The following ABCG1 variants were observed in gnomAD, a reference collection of about 807,000 sequenced individuals.
ABCG1 encodes the protein ATP-binding cassette sub-family G member 1.
In ABCG1, 29 loss-of-function variants were observed where a neutral mutation model predicts 69.2. The observed-to-expected ratio is 0.42, with a 90% CI of 0.31 to 0.57. The LOEUF (loss-of-function observed/expected upper bound fraction) is 0.57, where lower values mean the gene tolerates loss of function less well. ABCG1 is among the 20% of genes least tolerant of loss of function. The pLI is 0.15. For synonymous variants in ABCG1, 370 were observed against 374.8 expected (o/e 0.99, Z 0.15); for missense variants, 718 against 898.1 (o/e 0.80, Z 2.56).
chr21:42,212,909 G>T (rs139716990), upstream of ABCG1, among the ~76,000 whole-genome samples: 27 of 152,094 alleles, frequency 1.8e-4, no homozygotes, highest in Non-Finnish European at 2.6e-4. Context: ...TAGCCAGGAT[G>T]GTCTCGATCT....
intron 2 of ABCG1, among the ~76,000 whole-genome samples, chr21:42,265,565 G>GC (rs2068488469): frequency 6.6e-6 from 1 of 152,200 alleles, no homozygotes; most frequent in African/African-American, 2.4e-5. Flanking sequence ...GGCTGGCAGA[G>GC]ACAGGGGAGG....
At chr21:42,256,249 G>C in intron 2 of ABCG1, 1 of 1,483,676 alleles carries the variant, frequency 6.7e-7, no homozygotes, top group Non-Finnish European at 9.0e-7. Flanking sequence ...CAGTGCAACA[G>C]ACAGAACACT....
intron 6 of ABCG1, among the ~76,000 whole-genome samples, chr21:42,283,167 C>G (rs936375695): frequency 3.9e-5 from 6 of 152,224 alleles, no homozygotes; most frequent in Admixed American, 3.9e-4. Flanking sequence ...ACTCACCTCT[C>G]CAAAGTCCAG....
At chr21:42,256,053 G>C in intron 2 of ABCG1, 4 of 920,846 alleles carry the variant, frequency 4.3e-6, no homozygotes, top group African/African-American at 3.4e-5. Context: ...TGGGAGTCAG[G>C]TGCCTTGACT....
chr21:42,210,346 G>A (rs1296758378), intron 2 of ABCG1, among the ~76,000 whole-genome samples: 4 of 152,140 alleles, frequency 2.6e-5, no homozygotes. Flanking sequence ...GGGGTACACA[G>A]TGGTTCCAGT....
intron 13 of ABCG1, 53 bp from the exon 14 acceptor site, chr21:42,294,489 G>C: frequency 6.8e-7 from 1 of 1,468,142 alleles, no homozygotes; most frequent in Non-Finnish European, 9.5e-7. Context: ...CTCCTCTGCA[G>C]GAGGCCAGGC....
rs373623832 is a variant in ABCG1 at position 42,219,366 on chromosome 21, C to T, written c.42+62C>T. On this transcript the variant is annotated intron_variant, in intron 1 of 14. Transcript: ENST00000398449. The surrounding 1 kb of genome is among the most constrained non-coding windows in gnomAD (Gnocchi z 5.3). ...TTATTTTCAAGGAGAGCAGGAAACACACAAAGACTCGCAAGCTCGACCTGA... is the reference window on the plus strand; with the variant it reads ...TTATTTTCAAGGAGAGCAGGAAACATACAAAGACTCGCAAGCTCGACCTGA... The T allele has an allele frequency of 1.1e-3, 1,792 of 1,560,990 alleles. 19 individuals are homozygous for T. In the African/African-American group the frequency reaches 0.019, roughly 16 times the overall value.
chr21:42,286,057 CT>C lies in ABCG1; in HGVS notation c.973+67del. ...GGATTTTCCTCCTCTGTGGGTCTCA[CT>C]TTTAGCTGACGCCCCCAACTCAGAA... is the stretch of plus-strand genomic sequence containing the variant. On this transcript the variant is annotated intron_variant, in intron 8 of 14. Coordinates refer to ENST00000398449, the MANE Select transcript of ABCG1 (RefSeq NM_016818.3). 22 of 1,151,768 alleles carry C rather than the reference CT, an allele frequency of 1.9e-5. No individual in the cohort carries two copies. In the South Asian group the frequency reaches 2.5e-4, roughly 13 times the overall value. 71.3% of individuals were successfully genotyped at this position (1,151,768 alleles called of 1,614,324 possible). A position where few individuals can be genotyped will look rare whatever the true frequency, so the allele number is the denominator to read the frequency against.
rs868548945 is a variant in ABCG1, at chr21:42,273,165, C to T, written c.405-138C>T. 41 of 1,206,536 alleles carry T rather than the reference C, an allele frequency of 3.4e-5. No individual in the cohort carries two copies. Among genetic ancestry groups the T allele is most frequent in the Middle Eastern group, 2.8e-4 (1 of 3,516 alleles). 74.7% of individuals were successfully genotyped at this position (1,206,536 alleles called of 1,614,324 possible). On this transcript the variant is annotated intron_variant, in intron 3 of 14. Transcript: ENST00000398449. This position sits in a 1 kb window ranked among gnomAD's most constrained non-coding sequence, Gnocchi z 5.3. ...CGAGGTCCGGTCCCTTTCTGCCCCT[C>T]GGGGTCCCCGTGGCCAGTGGTTCAG...
intron 2 of ABCG1, among the ~76,000 whole-genome samples, chr21:42,250,213 G>A (rs551500496): frequency 5.3e-5 from 8 of 152,146 alleles, no homozygotes; most frequent in East Asian, 1.9e-4. Context: ...TTCTAGCTGC[G>A]CGTGTTGACC....
chr21:42,280,469 C>T (rs1308548760), intron 5 of ABCG1, among the ~76,000 whole-genome samples: 1 of 152,236 alleles, frequency 6.6e-6, no homozygotes, highest in Non-Finnish European at 1.5e-5. Context: ...GGAGCGCCCG[C>T]CGGGAAGCCC....
At chr21:42,220,065 G>C in intron 1 of ABCG1, 1 of 1,546,324 alleles carries the variant, frequency 6.5e-7, no homozygotes, top group Non-Finnish European at 8.8e-7. Flanking sequence ...TGTTTCCAGG[G>C]GTGGTCAGGA....
intron 13 of ABCG1, among the ~76,000 whole-genome samples, chr21:42,293,588 TACCACACTACACAG>T (rs1297402643): frequency 1.5e-5 from 1 of 67,348 alleles, no homozygotes; most frequent in Non-Finnish European, 2.8e-5. Flanking sequence ...ACTACACACA[TACCACACTACACAG>T]TACACACCAC....
At chr21:42,293,099 C>CAT (rs1348829677) in intron 13 of ABCG1, among the ~76,000 whole-genome samples, 10 of 136,284 alleles carry the variant, frequency 7.3e-5, no homozygotes, top group Admixed American at 7.3e-5. Flanking sequence ...ACACACCACA[C>CAT]ACGGTACACA....
chr21:42,250,633 C>A (rs1021209678), intron 2 of ABCG1, among the ~76,000 whole-genome samples: 1 of 152,232 alleles, frequency 6.6e-6, no homozygotes, highest in African/African-American at 2.4e-5. Flanking sequence ...GATTTTAGTT[C>A]TTTGGGTCAC....
At chr21:42,202,471 G>A (rs1315346895) in intron 2 of ABCG1, among the ~76,000 whole-genome samples, 1 of 152,100 alleles carries the variant, frequency 6.6e-6, no homozygotes, top group Non-Finnish European at 1.5e-5. Flanking sequence ...CCGGGGGCCG[G>A]CAGGTTAGAG....
intron 2 of ABCG1, among the ~76,000 whole-genome samples, chr21:42,256,785 G>T (rs957615892): frequency 6.6e-6 from 1 of 152,218 alleles, no homozygotes; most frequent in Non-Finnish European, 1.5e-5. Flanking sequence ...GCAATGTGAA[G>T]CCTTAGGTCC....
Position 42,276,874 on chromosome 21 carries a change from T to C in ABCG1, c.538-21T>C. ...GTGGCCGTCTGTTCTGCTTCCACAC[T>C]GTTGTCCTTGTCCCCTGCAGGTGTC... On this transcript the variant is annotated intron_variant, in intron 4 of 14. Transcript: ENST00000398449. The surrounding 1 kb of genome is among the most constrained non-coding windows in gnomAD (Gnocchi z 5.3). 6.2e-7 allele frequency: 1 copy of C among 1,613,996 alleles called. No individual in the cohort carries two copies. Among genetic ancestry groups the C allele is most frequent in the Non-Finnish European group, 8.5e-7 (1 of 1,179,914 alleles).
intron 13 of ABCG1, among the ~76,000 whole-genome samples, chr21:42,293,709 A>T (rs1418705889): frequency 6.8e-6 from 1 of 146,790 alleles, no homozygotes; most frequent in African/African-American, 2.5e-5. Context: ...CTACACATAC[A>T]CCACACTACA....
Sources: gnomAD v4.1 joint callset for allele counts (sites outside exome capture counted in the v4.1 genomes callset) on GRCh38, gnomAD v4.1.1 for gene constraint, Gnocchi (gnomAD v3.1) non-coding constraint, MANE v1.5 for transcripts, NCBI Gene and HGNC (gene_info 2026-07-23, HGNC 2026-07-21) for gene names.